Variants in IMMP2L observed in about 807,000 individuals in gnomAD.
IMMP2L encodes inner mitochondrial membrane peptidase subunit 2, also known as mitochondrial inner membrane protease subunit 2.
A neutral mutation model predicts 19.3 loss-of-function variants in IMMP2L; 18 were observed. That is an observed-to-expected ratio of 0.93 (90% CI 0.64 to 1.38). The LOEUF (loss-of-function observed/expected upper bound fraction) is 1.38, where lower values mean the gene tolerates loss of function less well. Among genes scored for constraint, IMMP2L ranks in the 40% most tolerant of loss-of-function variants. The pLI is 0.00. For missense variants in IMMP2L, 233 were observed against 218.2 expected (o/e 1.07, Z -0.43); for synonymous variants, 76 against 73.0 (o/e 1.04, Z -0.21).
In IMMP2L at chr7:111,349,677, C is replaced by T. The variant is rs1171479174; in HGVS notation, c.239+137561G>A. ...CCAGCAAGGGGAGTAGAATGAAGTC[C>T]CTGCTTTAAAGAGAGACAAGAGCTA... On this transcript the variant is annotated intron_variant, in intron 3 of 5. Transcript: ENST00000405709. 2.0e-5 allele frequency among the ~76,000 whole-genome samples: 3 copies of T among 151,948 alleles called. No homozygotes were observed. The East Asian group carries it at 5.8e-4, about 29-fold the overall frequency.
At chr7:111,071,974 A>T (rs1310146254) in intron 3 of IMMP2L, among the ~76,000 whole-genome samples, 1 of 152,198 alleles carries the variant, frequency 6.6e-6, no homozygotes, top group Non-Finnish European at 1.5e-5. Flanking sequence ...CACTAAAAAA[A>T]TGAGGGGTCA....
chr7:111,436,510 T>TAC (rs1450356012), intron 3 of IMMP2L, among the ~76,000 whole-genome samples: 126 of 151,168 alleles, frequency 8.3e-4, no homozygotes, highest in Middle Eastern at 3.4e-3. Context: ...CTTTTTTTCT[T>TAC]ACACACACAC....
At chr7:111,500,518 T>C (rs1844101322) in intron 2 of IMMP2L, among the ~76,000 whole-genome samples, 2 of 152,130 alleles carry the variant, frequency 1.3e-5, no homozygotes, top group Admixed American at 1.3e-4. Context: ...CTCAAGTGGG[T>C]CCCTGACTCC....
intron 3 of IMMP2L, among the ~76,000 whole-genome samples, chr7:111,383,631 C>G (rs957023338): frequency 6.6e-6 from 1 of 152,084 alleles, no homozygotes; most frequent in Non-Finnish European, 1.5e-5. Context: ...GGCTTCTATA[C>G]ATTTTTATAA....
chr7:110,698,352 C>G (rs1794024443), intron 5 of IMMP2L, among the ~76,000 whole-genome samples: 2 of 152,168 alleles, frequency 1.3e-5, no homozygotes, highest in African/African-American at 4.8e-5. Context: ...TTAATGTTAT[C>G]TCAGTATACA....
intron 3 of IMMP2L, among the ~76,000 whole-genome samples, chr7:111,167,839 AT>A (rs1272527761): frequency 2.0e-5 from 3 of 151,944 alleles, no homozygotes; most frequent in African/African-American, 7.2e-5. Context: ...AACATCTAAG[AT>A]TTGGCTTCTG....
chr7:110,949,933 ACCCTATG>A (rs1294359529), intron 4 of IMMP2L, among the ~76,000 whole-genome samples: 1 of 152,122 alleles, frequency 6.6e-6, no homozygotes, highest in Non-Finnish European at 1.5e-5. Flanking sequence ...AAGCACATAT[ACCCTATG>A]AATCTAAAAT....
chr7:111,133,044 G>A (rs1440861406), intron 3 of IMMP2L, among the ~76,000 whole-genome samples: 3 of 151,944 alleles, frequency 2.0e-5, no homozygotes, highest in African/African-American at 7.2e-5. Flanking sequence ...GTGTGTTAGT[G>A]CTCCTTCCAA....
chr7:110,722,855 G>C (rs1311656510), intron 5 of IMMP2L, among the ~76,000 whole-genome samples: 3 of 152,056 alleles, frequency 2.0e-5, no homozygotes, highest in Non-Finnish European at 4.4e-5. Context: ...AGAGAAATGT[G>C]TGTGTGAAGC....
intron 4 of IMMP2L, among the ~76,000 whole-genome samples, chr7:110,921,183 T>C (rs1453095660): frequency 6.6e-6 from 1 of 152,224 alleles, no homozygotes; most frequent in Non-Finnish European, 1.5e-5. Context: ...TGTATAACAT[T>C]GGCTGAACTC....
chr7:110,971,033 C>T (rs566722797), intron 3 of IMMP2L, among the ~76,000 whole-genome samples: 5 of 152,056 alleles, frequency 3.3e-5, no homozygotes, highest in Non-Finnish European at 7.4e-5. Context: ...TATCCATTGC[C>T]ATCTATATGG....
At chr7:110,886,799 C>T (rs912764715) in intron 4 of IMMP2L, 104 bp from the exon 5 acceptor site, 4 of 535,946 alleles carry the variant, frequency 7.5e-6, no homozygotes, top group East Asian at 3.0e-5. Context: ...ATGTTACAGA[C>T]AGGTTAACCA....
At chr7:110,974,321 G>A (rs1481861361) in intron 3 of IMMP2L, among the ~76,000 whole-genome samples, 1 of 152,064 alleles carries the variant, frequency 6.6e-6, no homozygotes, top group Non-Finnish European at 1.5e-5. Flanking sequence ...TCTCCAGTAT[G>A]AAATATGTGG....
intron 3 of IMMP2L, among the ~76,000 whole-genome samples, chr7:111,456,538 A>G (rs1839687960): frequency 1.3e-5 from 2 of 152,168 alleles, no homozygotes; most frequent in Admixed American, 1.3e-4. Context: ...TCTCTTGAAC[A>G]CTAAGGTCTT....
At chr7:111,087,456 G>GAAAAAAAAAAAAAAAAAAAAAAAA (rs76131476) in intron 3 of IMMP2L, among the ~76,000 whole-genome samples, 1 of 77,940 alleles carries the variant, frequency 1.3e-5, no homozygotes, top group Non-Finnish European at 2.8e-5. Flanking sequence ...CTTAAAAAAA[G>GAAAAAAAAAAAAAAAAAAAAAAAA]AAAAAAAAAA....
At chr7:110,878,375 C>A (rs1004952237) in intron 5 of IMMP2L, among the ~76,000 whole-genome samples, 3 of 151,912 alleles carry the variant, frequency 2.0e-5, no homozygotes, top group Non-Finnish European at 2.9e-5. Context: ...GTAATTAATT[C>A]TTTAAATACT....
At chr7:110,823,665 A>G (rs1803224633) in intron 5 of IMMP2L, among the ~76,000 whole-genome samples, 1 of 152,102 alleles carries the variant, frequency 6.6e-6, no homozygotes, top group Non-Finnish European at 1.5e-5. Context: ...GTGATGCAGT[A>G]AAGACTCAGT....
chr7:110,965,395 C>A (rs1819427647), intron 3 of IMMP2L, among the ~76,000 whole-genome samples: 1 of 151,928 alleles, frequency 6.6e-6, no homozygotes, highest in South Asian at 2.1e-4. Context: ...CACAATATGT[C>A]TTGCAGAGAA....
At chr7:111,405,891 G>A (rs1429555544) in intron 3 of IMMP2L, among the ~76,000 whole-genome samples, 1 of 152,040 alleles carries the variant, frequency 6.6e-6, no homozygotes, top group East Asian at 1.9e-4. Flanking sequence ...ATTGTCTACA[G>A]CTCCTTTCAC....
Sources: gnomAD v4.1 joint callset for allele counts (sites outside exome capture counted in the v4.1 genomes callset) on GRCh38, gnomAD v4.1.1 for gene constraint, MANE v1.5 for transcripts, NCBI Gene and HGNC (gene_info 2026-07-23, HGNC 2026-07-21) for gene names.